Variants in ZNF407 observed in about 807,000 individuals in gnomAD.
ZNF407 encodes the protein zinc finger protein 407.
Under a neutral mutation model 131.2 loss-of-function variants are expected in ZNF407, and 17 were observed. That is an observed-to-expected ratio of 0.13 (90% CI 0.09 to 0.19). The LOEUF is 0.19. Among genes scored for constraint, ZNF407 ranks in the 10% least tolerant of loss-of-function variants. The probability of loss-of-function intolerance (pLI) is 1.00; values close to 1 mark genes in which losing one functional copy is unlikely to be tolerated. For missense variants in ZNF407, 2,681 were observed against 2,830.6 expected (o/e 0.95, Z 1.20); for synonymous variants, 1,156 against 1,062.0 (o/e 1.09, Z -1.72).
In ZNF407 at chr18:74,634,222, A is replaced by G. The variant is rs1984309856; in HGVS notation, c.3203A>G (p.Glu1068Gly). ...GAGATGACCAGGCATGCAGCAACAG[A>G]GAAGCACAAAATGAAAAGGCAGTCT... Reference protein sequence around the residue: ...RREMTRHAATEKHKMKRQSYL... With the variant: ...RREMTRHAATGKHKMKRQSYL... The change falls in exon 2 of 9, where the codon GAG becomes GGG. Residue 1068 changes from glutamate (E) to glycine (G), a missense_variant. Glu to Gly is a moderately conservative substitution (Grantham distance 98). Around this residue, in one of 6 missense-constraint regions of ZNF407, gnomAD observed 1,789 missense variants for 1,748.7 expected, o/e 1.02. Transcript: ENST00000299687. 1.2e-6 allele frequency: 2 copies of G among 1,614,060 alleles called. No homozygotes were observed. The highest frequency in any genetic ancestry group is 1.7e-6 in the Non-Finnish European group (2 of 1,179,898).
intron 8 of ZNF407, among the ~76,000 whole-genome samples, chr18:75,010,271 A>G (rs760506410): frequency 1.3e-4 from 20 of 152,188 alleles, no homozygotes; most frequent in Non-Finnish European, 2.5e-4. Flanking sequence ...GCCAAGATGT[A>G]TATTTCCAAA....
chr18:74,651,993 T>G (rs1265374474), intron 3 of ZNF407, among the ~76,000 whole-genome samples: 1 of 152,112 alleles, frequency 6.6e-6, no homozygotes, highest in Non-Finnish European at 1.5e-5. Flanking sequence ...ACAGAGCCCT[T>G]AATCTCTCCT....
chr18:74,972,821 C>T (rs79636241), intron 8 of ZNF407, among the ~76,000 whole-genome samples: 4 of 152,222 alleles, frequency 2.6e-5, no homozygotes, highest in African/African-American at 9.6e-5. Context: ...TACTTTCAAG[C>T]TACAAATATC....
chr18:74,664,720 C>G (rs1407450878), intron 3 of ZNF407, among the ~76,000 whole-genome samples: 1 of 152,098 alleles, frequency 6.6e-6, no homozygotes, highest in Non-Finnish European at 1.5e-5. Context: ...CTCTCTTTCT[C>G]TCTCTTTTTT....
intron 3 of ZNF407, among the ~76,000 whole-genome samples, chr18:74,770,428 C>T (rs548262111): frequency 6.6e-4 from 100 of 152,022 alleles, no homozygotes; most frequent in African/African-American, 2.3e-3. Flanking sequence ...CTCAAGAAAA[C>T]CTCAAAAAAC....
chr18:74,620,583 T>C (rs1296924545), intron 1 of ZNF407, among the ~76,000 whole-genome samples: 5 of 152,252 alleles, frequency 3.3e-5, no homozygotes, highest in African/African-American at 9.6e-5. Context: ...TGAGTGAGAA[T>C]TTTACTATAC....
At chr18:74,728,948 A>T (rs1599104722) in intron 3 of ZNF407, among the ~76,000 whole-genome samples, 1 of 152,152 alleles carries the variant, frequency 6.6e-6, no homozygotes, top group African/African-American at 2.4e-5. Context: ...GCTCCTTTCC[A>T]CTTTTAGTCA....
chr18:74,985,607 G>A (rs564246209), intron 8 of ZNF407, among the ~76,000 whole-genome samples: 2 of 152,300 alleles, frequency 1.3e-5, no homozygotes, highest in South Asian at 4.1e-4. Context: ...AAAAAGAAAT[G>A]TGTGGCTCTA....
chr18:74,699,630 A>G (rs570280129), intron 3 of ZNF407, among the ~76,000 whole-genome samples: 1 of 152,194 alleles, frequency 6.6e-6, no homozygotes, highest in African/African-American at 2.4e-5. Flanking sequence ...TTACAAGTTA[A>G]TCCTTACTGT....
At chr18:74,884,236 T>C (rs932730276) in intron 6 of ZNF407, among the ~76,000 whole-genome samples, 2 of 152,238 alleles carry the variant, frequency 1.3e-5, no homozygotes, top group African/African-American at 4.8e-5. Context: ...CTTTACAGTC[T>C]AGAAGTCAGG....
At chr18:74,724,932 T>A (rs1424677389) in intron 3 of ZNF407, among the ~76,000 whole-genome samples, 1 of 152,238 alleles carries the variant, frequency 6.6e-6, no homozygotes, top group Non-Finnish European at 1.5e-5. Context: ...TCTCAGAAAA[T>A]TTGATCAATT....
intron 4 of ZNF407, among the ~76,000 whole-genome samples, chr18:74,832,559 A>C (rs1970500836): frequency 6.6e-6 from 1 of 151,872 alleles, no homozygotes; most frequent in Non-Finnish European, 1.5e-5. Context: ...AGCTCACCTG[A>C]GTTTGTAAGC....
chr18:74,931,528 C>T (rs1971982324), intron 8 of ZNF407, among the ~76,000 whole-genome samples: 1 of 152,020 alleles, frequency 6.6e-6, no homozygotes, highest in Non-Finnish European at 1.5e-5. Flanking sequence ...GGTTTTTATT[C>T]TTTTTGGCAA....
chr18:74,717,391 T>C (rs1967920277), intron 3 of ZNF407, among the ~76,000 whole-genome samples: 1 of 152,172 alleles, frequency 6.6e-6, no homozygotes, highest in African/African-American at 2.4e-5. Context: ...TGTGATTCTG[T>C]GGAGAGTGCA....
At chr18:74,715,622 T>C (rs1568179793) in intron 3 of ZNF407, among the ~76,000 whole-genome samples, 1 of 152,220 alleles carries the variant, frequency 6.6e-6, no homozygotes, top group East Asian at 1.9e-4. Context: ...TTTGTTGAAT[T>C]GAACTACATG....
At chr18:74,940,122 A>C (rs955180484) in intron 8 of ZNF407, among the ~76,000 whole-genome samples, 1 of 152,184 alleles carries the variant, frequency 6.6e-6, no homozygotes, top group African/African-American at 2.4e-5. Context: ...AGAAGAAACA[A>C]GTAGGTTGAC....
intron 4 of ZNF407, among the ~76,000 whole-genome samples, chr18:74,825,992 A>G (rs572685371): frequency 1.7e-4 from 26 of 152,292 alleles, no homozygotes; most frequent in African/African-American, 6.3e-4. Context: ...TTGGCTACAG[A>G]ATTTTTACTT....
chr18:74,771,847 A>G (rs1322192574), intron 3 of ZNF407, among the ~76,000 whole-genome samples: 1 of 152,024 alleles, frequency 6.6e-6, no homozygotes, highest in Non-Finnish European at 1.5e-5. Flanking sequence ...TGTATACTTA[A>G]TCCCAGCAAA....
At chr18:74,694,779 G>A (rs562650292) in intron 3 of ZNF407, among the ~76,000 whole-genome samples, 2 of 152,172 alleles carry the variant, frequency 1.3e-5, no homozygotes, top group African/African-American at 2.4e-5. Context: ...CAGTTTTCTG[G>A]TGGCTTACAG....
Sources: allele counts gnomAD v4.1 joint callset (sites outside exome capture counted in the v4.1 genomes callset), GRCh38; gene constraint gnomAD v4.1.1; regional missense constraint gnomAD v4.1.1; transcripts MANE v1.5; gene names NCBI Gene and HGNC (gene_info 2026-07-23, HGNC 2026-07-21).